PDE1C: variants seen among roughly 807,000 people sequenced by gnomAD.
PDE1C encodes phosphodiesterase 1C.
PDE1C carries 62 observed loss-of-function variants against 93.1 expected under a neutral mutation model. The observed-to-expected ratio is 0.67, with a 90% confidence interval of 0.54 to 0.82. The LOEUF is 0.82. Ranked by LOEUF, PDE1C falls within the 40% of genes least tolerant of loss-of-function variation. The pLI, the probability that PDE1C is intolerant of heterozygous loss-of-function variation, is 0.00. For synonymous variants in PDE1C, 325 were observed against 310.1 expected (o/e 1.05, Z -0.50); for missense variants, 742 against 884.6 (o/e 0.84, Z 2.04).
chr7:31,657,408 C>G, the PDE1C span, among the ~76,000 whole-genome samples: 2 of 152,154 alleles, frequency 1.3e-5, no homozygotes, highest in Non-Finnish European at 1.5e-5. Flanking sequence ...TTTAAATAAA[C>G]AAAGATCTCA....
the PDE1C span, among the ~76,000 whole-genome samples, chr7:31,727,122 C>T: frequency 1.3e-5 from 2 of 152,110 alleles, no homozygotes; most frequent in Non-Finnish European, 2.9e-5. Context: ...CAGAACAAAG[C>T]CATAGTCCTC....
chr7:31,958,097 A>G (rs1584187285), intron 2 of PDE1C, among the ~76,000 whole-genome samples: 4 of 152,306 alleles, frequency 2.6e-5, no homozygotes, highest in Admixed American at 2.6e-4. Context: ...AACATTACAT[A>G]AAAAATGTTT....
At chr7:32,196,099 G>A (rs1405647053) in intron 2 of PDE1C, among the ~76,000 whole-genome samples, 1 of 152,178 alleles carries the variant, frequency 6.6e-6, no homozygotes, top group Non-Finnish European at 1.5e-5. Context: ...ATTCTCCACT[G>A]ACATCATGAT....
At chr7:32,205,786 T>A (rs1805416706) in intron 2 of PDE1C, among the ~76,000 whole-genome samples, 1 of 152,012 alleles carries the variant, frequency 6.6e-6, no homozygotes, top group South Asian at 2.1e-4. Flanking sequence ...GGAAAACAAC[T>A]CCAGACATGC....
At chr7:32,146,313 A>G (rs1800832180) in intron 3 of PDE1C, among the ~76,000 whole-genome samples, 1 of 152,160 alleles carries the variant, frequency 6.6e-6, no homozygotes, top group Non-Finnish European at 1.5e-5. Flanking sequence ...GCATTATTTT[A>G]CAGTTCTTGA....
intron 1 of PDE1C, among the ~76,000 whole-genome samples, chr7:32,211,748 A>C (rs1240425123): frequency 6.6e-6 from 1 of 152,112 alleles, no homozygotes; most frequent in Non-Finnish European, 1.5e-5. Context: ...TGGGTGGGGC[A>C]TAGTGGCTCA....
At chr7:32,091,725 C>T (rs11772751) in intron 3 of PDE1C, among the ~76,000 whole-genome samples, 95,627 of 152,000 alleles carry the variant, frequency 0.63, 30,387 homozygotes, top group African/African-American at 0.71. Context: ...TCTCCAGTCA[C>T]TGCAAAGGCA....
intron 2 of PDE1C, among the ~76,000 whole-genome samples, chr7:32,197,941 T>C (rs1804732410): frequency 6.6e-6 from 1 of 152,190 alleles, no homozygotes; most frequent in Non-Finnish European, 1.5e-5. Flanking sequence ...TTTAAATGGG[T>C]AAGCTTTATA....
At chr7:32,174,511 C>T (rs1186796739) in intron 2 of PDE1C, among the ~76,000 whole-genome samples, 3 of 152,006 alleles carry the variant, frequency 2.0e-5, no homozygotes, top group Middle Eastern at 3.4e-3. Context: ...GCTCTTCAGC[C>T]GGTGGAAAGG....
intron 2 of PDE1C, among the ~76,000 whole-genome samples, chr7:31,937,125 A>G (rs1345189796): frequency 6.6e-6 from 1 of 152,112 alleles, no homozygotes; most frequent in Non-Finnish European, 1.5e-5. Flanking sequence ...TGTTATGTAG[A>G]CAAAGCCTCC....
At chr7:32,371,511 A>G (rs1359140652) in intron 1 of PDE1C, among the ~76,000 whole-genome samples, 1 of 152,180 alleles carries the variant, frequency 6.6e-6, no homozygotes, top group African/African-American at 2.4e-5. Context: ...CACAATACAT[A>G]CCTTACTCAG....
At chr7:32,364,376 C>T (rs1784190623) in intron 1 of PDE1C, among the ~76,000 whole-genome samples, 1 of 152,174 alleles carries the variant, frequency 6.6e-6, no homozygotes, top group African/African-American at 2.4e-5. Context: ...AGGGAGAGTG[C>T]TAGAGTGTAC....
intron 16 of PDE1C, among the ~76,000 whole-genome samples, chr7:31,790,934 C>A (rs1338499957): frequency 6.6e-6 from 1 of 152,178 alleles, no homozygotes; most frequent in Non-Finnish European, 1.5e-5. Flanking sequence ...ACAACCACAA[C>A]AAACCCACCA....
At chr7:32,328,484 C>A (rs560376881) in intron 1 of PDE1C, among the ~76,000 whole-genome samples, 1 of 152,324 alleles carries the variant, frequency 6.6e-6, no homozygotes, top group Admixed American at 6.5e-5. Flanking sequence ...TGCAGACCTG[C>A]CTGGCCAACT....
chr7:32,234,198 A>G (rs1807912606), intron 1 of PDE1C, among the ~76,000 whole-genome samples: 1 of 152,020 alleles, frequency 6.6e-6, no homozygotes, highest in Non-Finnish European at 1.5e-5. Flanking sequence ...AGGAAAAAAG[A>G]GTTATTAAAT....
chr7:31,755,018 T>G (rs970955459), intron 17 of PDE1C, among the ~76,000 whole-genome samples: 3 of 152,214 alleles, frequency 2.0e-5, no homozygotes, highest in Non-Finnish European at 4.4e-5. Flanking sequence ...GTCATCGAAG[T>G]AACCTTGTAT....
chr7:32,159,487 G>A (rs1470501677), intron 3 of PDE1C, among the ~76,000 whole-genome samples: 3 of 152,094 alleles, frequency 2.0e-5, no homozygotes, highest in South Asian at 2.1e-4. Context: ...ACAAACAAAT[G>A]CAGTTAAAGT....
At chr7:31,955,720 T>TA (rs372107192) in intron 2 of PDE1C, among the ~76,000 whole-genome samples, 1 of 152,092 alleles carries the variant, frequency 6.6e-6, no homozygotes, top group African/African-American at 2.4e-5. Context: ...ATTTGAAACG[T>TA]AAAAAAATTG....
chr7:31,781,096 A>C (rs1056442236), intron 16 of PDE1C, among the ~76,000 whole-genome samples: 1 of 152,226 alleles, frequency 6.6e-6, no homozygotes, highest in African/African-American at 2.4e-5. Context: ...AAGAGTGTGG[A>C]GAAGAGGACA....
Sources: gnomAD v4.1 joint callset for allele counts (sites outside exome capture counted in the v4.1 genomes callset) on GRCh38, gnomAD v4.1.1 for gene constraint, MANE v1.5 for transcripts, NCBI Gene and HGNC (gene_info 2026-07-23, HGNC 2026-07-21) for gene names.